RSU1: variants seen among roughly 807,000 people sequenced by gnomAD.
The protein encoded by RSU1 is rsu-1.
In RSU1, 26 loss-of-function variants were observed where a neutral mutation model predicts 31.1. The ratio of observed to expected loss-of-function variants is 0.84; its 90% CI spans 0.61 to 1.16. RSU1 has a LOEUF of 1.16. Among genes scored for constraint, RSU1 ranks in the 50% most tolerant of loss-of-function variants. RSU1 has a pLI of 0.00. For synonymous variants in RSU1, 164 were observed against 136.3 expected (o/e 1.20, Z -1.41); for missense variants, 320 against 339.1 (o/e 0.94, Z 0.44).
intron 4 of RSU1, among the ~76,000 whole-genome samples, chr10:16,756,664 G>C (rs1459080839): frequency 6.6e-6 from 1 of 152,182 alleles, no homozygotes; most frequent in African/African-American, 2.4e-5. Flanking sequence ...ACTATTTCTA[G>C]TTTTGGTAAG....
chr10:16,755,390 T>G (rs1837062225), intron 4 of RSU1, among the ~76,000 whole-genome samples: 1 of 151,880 alleles, frequency 6.6e-6, no homozygotes, highest in African/African-American at 2.4e-5. Context: ...CCCAGAATGC[T>G]GGGATTACAG....
At chr10:16,707,810 AG>A (rs1359552314) in intron 7 of RSU1, among the ~76,000 whole-genome samples, 1 of 152,008 alleles carries the variant, frequency 6.6e-6, no homozygotes, top group Non-Finnish European at 1.5e-5. Context: ...TGCTGTGAAA[AG>A]TTTCCTCTCT....
chr10:16,769,690 A>T (rs1837383873), intron 3 of RSU1, among the ~76,000 whole-genome samples: 1 of 152,188 alleles, frequency 6.6e-6, no homozygotes, highest in South Asian at 2.1e-4. Context: ...TGGCTCAGAA[A>T]ACTTTTAATT....
At chr10:16,813,344 C>T (rs1316019796) in intron 2 of RSU1, among the ~76,000 whole-genome samples, 1 of 152,136 alleles carries the variant, frequency 6.6e-6, no homozygotes, top group Non-Finnish European at 1.5e-5. Context: ...ATAAGCCACA[C>T]AAAAAATTCC....
chr10:16,712,784 T>C (rs1464116357), intron 7 of RSU1, among the ~76,000 whole-genome samples: 2 of 152,214 alleles, frequency 1.3e-5, no homozygotes, highest in East Asian at 1.9e-4. Context: ...TGAATTTACC[T>C]CTACTAGTGA....
chr10:16,797,856 CTTT>C (rs766748303), intron 2 of RSU1, among the ~76,000 whole-genome samples: 9 of 103,506 alleles, frequency 8.7e-5, no homozygotes, highest in South Asian at 3.3e-4. Flanking sequence ...GGGATTTCTT[CTTT>C]TTTTTTTTTT....
chr10:16,754,419 T>C (rs375385706), intron 5 of RSU1, among the ~76,000 whole-genome samples: 3 of 152,334 alleles, frequency 2.0e-5, no homozygotes, highest in East Asian at 3.9e-4. Context: ...AGGCTCAAAA[T>C]AGGAATACTG....
intron 8 of RSU1, among the ~76,000 whole-genome samples, chr10:16,691,029 TATA>T (rs1370393136): frequency 1.3e-5 from 2 of 152,214 alleles, no homozygotes; most frequent in Admixed American, 6.5e-5. Context: ...AATTAGGAAC[TATA>T]ATAAGTTTTA....
intron 2 of RSU1, among the ~76,000 whole-genome samples, chr10:16,782,412 G>C (rs926988859): frequency 1.3e-5 from 2 of 152,182 alleles, no homozygotes; most frequent in Non-Finnish European, 1.5e-5. Flanking sequence ...TCAATTATCT[G>C]TGCCAGTCAG....
At chr10:16,611,786 A>T (rs374387126) in intron 8 of RSU1, among the ~76,000 whole-genome samples, 4 of 152,200 alleles carry the variant, frequency 2.6e-5, no homozygotes, top group East Asian at 3.8e-4. Flanking sequence ...TTCTGGATAG[A>T]CTTACTATCC....
chr10:16,654,121 G>C (rs970478134), intron 8 of RSU1, among the ~76,000 whole-genome samples: 2 of 151,786 alleles, frequency 1.3e-5, no homozygotes, highest in African/African-American at 4.8e-5. Flanking sequence ...TCTTGCTTTA[G>C]CATCCTGAGT....
chr10:16,750,861 CTCTT>C (rs1171654120), intron 7 of RSU1, among the ~76,000 whole-genome samples: 1 of 144,254 alleles, frequency 6.9e-6, no homozygotes, highest in African/African-American at 2.8e-5. Context: ...TACAAGATCT[CTCTT>C]TTTTTTTTTT....
chr10:16,729,069 C>T (rs900171714), intron 7 of RSU1, among the ~76,000 whole-genome samples: 1 of 152,202 alleles, frequency 6.6e-6, no homozygotes, highest in Non-Finnish European at 1.5e-5. Flanking sequence ...ACATATGCCG[C>T]GTATTTATCT....
intron 2 of RSU1, among the ~76,000 whole-genome samples, chr10:16,786,282 C>T (rs560344354): frequency 6.6e-6 from 1 of 152,352 alleles, no homozygotes; most frequent in African/African-American, 2.4e-5. Flanking sequence ...GGGTTATAAT[C>T]TATCATTATT....
intron 7 of RSU1, among the ~76,000 whole-genome samples, chr10:16,709,502 T>C (rs1835974308): frequency 6.6e-6 from 1 of 152,210 alleles, no homozygotes; most frequent in Non-Finnish European, 1.5e-5. Flanking sequence ...GTCCTTTGGG[T>C]ATATACCCAG....
At chr10:16,762,829 A>G (rs1227795839) in intron 4 of RSU1, among the ~76,000 whole-genome samples, 1 of 152,098 alleles carries the variant, frequency 6.6e-6, no homozygotes, top group African/African-American at 2.4e-5. Flanking sequence ...CCTGGCCAAC[A>G]TGGTGAAACC....
chr10:16,647,153 A>C (rs1834587240), intron 8 of RSU1, among the ~76,000 whole-genome samples: 2 of 151,828 alleles, frequency 1.3e-5, no homozygotes, highest in Admixed American at 1.3e-4. Flanking sequence ...TTTATATTTT[A>C]AGTAGAGATG....
chr10:16,609,924 G>A (rs931688002), intron 8 of RSU1, among the ~76,000 whole-genome samples: 3 of 152,082 alleles, frequency 2.0e-5, no homozygotes, highest in African/African-American at 7.2e-5. Flanking sequence ...GCAGAATAGC[G>A]CTGTCCAAAA....
rs567669585 is a variant in RSU1, at chr10:16,670,517, G to A, written c.731+24506C>T. Among the ~76,000 whole-genome samples, 9 of 152,254 alleles carry A rather than the reference G, an allele frequency of 5.9e-5. No individual in the cohort carries two copies. The East Asian group carries it at 1.7e-3, about 29-fold the overall frequency. ...CATAATGAGGGGTTGCCAGGCTGGT[G>A]ACTAATCAAAGCAGGGTTTCTGGGA... is the stretch of plus-strand genomic sequence containing the variant. On this transcript the variant is annotated intron_variant, in intron 8 of 8. Coordinates refer to ENST00000345264, the MANE Select transcript of RSU1 (RefSeq NM_012425.4).
Sources: gnomAD v4.1 joint callset for allele counts (sites outside exome capture counted in the v4.1 genomes callset) on GRCh38, gnomAD v4.1.1 for gene constraint, MANE v1.5 for transcripts, NCBI Gene and HGNC (gene_info 2026-07-23, HGNC 2026-07-21) for gene names.